The following CSMD2 variants were observed in gnomAD, a reference collection of about 807,000 sequenced individuals.
CSMD2 encodes the protein CUB and Sushi multiple domains 2.
CSMD2 carries 130 observed loss-of-function variants against 398.5 expected under a neutral mutation model. The ratio of observed to expected loss-of-function variants is 0.33; its 90% confidence interval spans 0.28 to 0.38. The LOEUF is 0.38. Ranked by LOEUF, CSMD2 falls within the 10% of genes least tolerant of loss-of-function variation. The probability of loss-of-function intolerance (pLI) is 1.00; values close to 1 mark genes in which losing one functional copy is unlikely to be tolerated. For missense variants in CSMD2, 3,829 were observed against 4,764.9 expected, an observed-to-expected ratio of 0.80 and a Z score of 5.78; for synonymous variants, 1,828 against 1,908.5, an observed-to-expected ratio of 0.96 and a Z score of 1.10.
intron 16 of CSMD2, among the ~76,000 whole-genome samples, 195 bp downstream of exon 16, chr1:33,726,352 C>A (rs1173564515): frequency 6.6e-6 from 1 of 152,210 alleles, no homozygotes; most frequent in African/African-American, 2.4e-5. Flanking sequence ...CCATAGTCCC[C>A]TAAACAGCAC....
chr1:33,968,739 C>A (rs1645649719), intron 3 of CSMD2, among the ~76,000 whole-genome samples: 1 of 152,136 alleles, frequency 6.6e-6, no homozygotes, highest in African/African-American at 2.4e-5. Context: ...CACTGAGGAC[C>A]CACAAGGCCA....
chr1:34,077,271 C>T (rs1208755309), intron 2 of CSMD2, among the ~76,000 whole-genome samples: 1 of 151,274 alleles, frequency 6.6e-6, no homozygotes, highest in African/African-American at 2.4e-5. Context: ...TCTTGGCTAA[C>T]ACGGTGAATC....
At chr1:33,697,535 A>G (rs1645460489) in intron 24 of CSMD2, among the ~76,000 whole-genome samples, 1 of 152,192 alleles carries the variant, frequency 6.6e-6, no homozygotes, top group South Asian at 2.1e-4. Context: ...TCTAGGGGAA[A>G]AGCATCTGTG....
intron 5 of CSMD2, chr1:33,860,492 T>A (rs995757391): frequency 6.6e-6 from 1 of 152,218 alleles, no homozygotes; most frequent in Non-Finnish European, 1.5e-5. Flanking sequence ...GTCTGCCAGA[T>A]TTCCCCGCTG....
chr1:33,625,752 T>C (rs553271098), intron 33 of CSMD2, among the ~76,000 whole-genome samples: 1 of 152,106 alleles, frequency 6.6e-6, no homozygotes, highest in Non-Finnish European at 1.5e-5. Flanking sequence ...ATAGGATCAC[T>C]CCTGCAAAGA....
chr1:33,542,319 T>A (rs560580786), intron 58 of CSMD2, among the ~76,000 whole-genome samples: 1 of 152,132 alleles, frequency 6.6e-6, no homozygotes, highest in Non-Finnish European at 1.5e-5. Flanking sequence ...AGCTGCATCT[T>A]TGAAGTGAAA....
chr1:33,648,127 C>T (rs1643556384), intron 28 of CSMD2, among the ~76,000 whole-genome samples: 1 of 152,098 alleles, frequency 6.6e-6, no homozygotes, highest in Admixed American at 6.5e-5. Flanking sequence ...CTTTGGGAGG[C>T]TGAGGTGGGC....
At chr1:34,060,980 C>A (rs1654427398) in intron 2 of CSMD2, among the ~76,000 whole-genome samples, 1 of 152,060 alleles carries the variant, frequency 6.6e-6, no homozygotes. Context: ...CGACTGGAGA[C>A]AGCTATTGCA....
intron 4 of CSMD2, among the ~76,000 whole-genome samples, chr1:33,923,387 C>T (rs1189601566): frequency 1.3e-5 from 2 of 152,166 alleles, no homozygotes; most frequent in South Asian, 2.1e-4. Flanking sequence ...AGTGCCTGCT[C>T]CCACTTCACC....
intron 1 of CSMD2, among the ~76,000 whole-genome samples, chr1:34,145,850 C>T (rs1357515017): frequency 2.6e-5 from 4 of 152,128 alleles, no homozygotes; most frequent in Non-Finnish European, 5.9e-5. Context: ...ATGAGTAGAA[C>T]AAGCCCCCCA....
At chr1:34,005,300 G>C (rs1647022789) in intron 3 of CSMD2, among the ~76,000 whole-genome samples, 1 of 152,192 alleles carries the variant, frequency 6.6e-6, no homozygotes, top group African/African-American at 2.4e-5. Flanking sequence ...TTTTATGGGT[G>C]CATCTGTGAT....
chr1:34,052,607 C>T (rs1364292072), intron 2 of CSMD2, among the ~76,000 whole-genome samples: 1 of 151,698 alleles, frequency 6.6e-6, no homozygotes, highest in African/African-American at 2.4e-5. Flanking sequence ...CTGGAGAACC[C>T]AGACTAACAC....
At chr1:33,781,686 C>A (rs953112845) in intron 12 of CSMD2, among the ~76,000 whole-genome samples, 13 of 152,144 alleles carry the variant, frequency 8.5e-5, no homozygotes, top group African/African-American at 3.1e-4. Flanking sequence ...AAGGAGACTT[C>A]CAGATTGATG....
intron 19 of CSMD2, 56 bp from the exon 20 acceptor site, chr1:33,716,557 G>C: frequency 1.6e-6 from 2 of 1,227,928 alleles, no homozygotes; most frequent in South Asian, 1.4e-5. Flanking sequence ...GAGAACCTCA[G>C]CTGCAAGACA....
intron 37 of CSMD2, among the ~76,000 whole-genome samples, chr1:33,619,660 C>T (rs1009154695): frequency 1.3e-5 from 2 of 152,184 alleles, no homozygotes; most frequent in African/African-American, 4.8e-5. Flanking sequence ...GTCAAAACCA[C>T]AGAACGTTGC....
intron 4 of CSMD2, among the ~76,000 whole-genome samples, chr1:33,924,999 C>T (rs1430164246): frequency 6.6e-6 from 1 of 152,042 alleles, no homozygotes; most frequent in Non-Finnish European, 1.5e-5. Flanking sequence ...TTTAACAGGT[C>T]GTCTTTTCAC....
intron 1 of CSMD2, among the ~76,000 whole-genome samples, chr1:34,138,853 T>C (rs929782478): frequency 1.3e-5 from 2 of 152,236 alleles, no homozygotes; most frequent in African/African-American, 4.8e-5. Context: ...CACATTCATA[T>C]ATAACCTTGC....
intron 5 of CSMD2, among the ~76,000 whole-genome samples, chr1:33,901,992 T>G (rs1421855486): frequency 6.6e-6 from 1 of 152,178 alleles, no homozygotes; most frequent in African/African-American, 2.4e-5. Context: ...CTCTTAAACT[T>G]AAATCTATTT....
At chr1:34,082,877 C>G (rs1472328066) in intron 2 of CSMD2, among the ~76,000 whole-genome samples, 1 of 151,974 alleles carries the variant, frequency 6.6e-6, no homozygotes, top group Admixed American at 6.6e-5. Context: ...GCAGCATGCT[C>G]GTTAAGAGTC....
Sources: gnomAD v4.1 joint callset for allele counts (sites outside exome capture counted in the v4.1 genomes callset) on GRCh38, gnomAD v4.1.1 for gene constraint, MANE v1.5 for transcripts, NCBI Gene and HGNC (gene_info 2026-07-23, HGNC 2026-07-21) for gene names.